HOMER1: variants seen among roughly 807,000 people sequenced by gnomAD.
HOMER1 encodes homer protein homolog 1.
In HOMER1, 3 loss-of-function variants were observed where a neutral mutation model predicts 48.9. The observed-to-expected ratio is 0.06, with a 90% CI of 0.03 to 0.16. HOMER1 has a LOEUF of 0.16. HOMER1 is among the 10% of genes least tolerant of loss of function. The pLI, the probability that HOMER1 is intolerant of heterozygous loss-of-function variation, is 1.00. For synonymous variants in HOMER1, 134 were observed against 146.4 expected (o/e 0.92, Z 0.61); for missense variants, 247 against 411.4 (o/e 0.60, Z 3.46).
At chr5:79,390,873 A>G (rs1242632103) in intron 8 of HOMER1, among the ~76,000 whole-genome samples, 1 of 152,184 alleles carries the variant, frequency 6.6e-6, no homozygotes, top group Non-Finnish European at 1.5e-5. Flanking sequence ...TCAAAATTAC[A>G]GAATTTCCAG....
chr5:79,495,912 A>C (rs1752405917), intron 1 of HOMER1, among the ~76,000 whole-genome samples: 1 of 152,216 alleles, frequency 6.6e-6, no homozygotes, highest in Non-Finnish European at 1.5e-5. Flanking sequence ...ATGGCAAATT[A>C]ATTGTACTCA....
intron 5 of HOMER1, among the ~76,000 whole-genome samples, chr5:79,420,946 T>C (rs1750080837): frequency 6.6e-6 from 1 of 152,202 alleles, no homozygotes; most frequent in Non-Finnish European, 1.5e-5. Flanking sequence ...TGTGTGCTCA[T>C]GGTGATTTTA....
chr5:79,470,481 A>C (rs1301298318), intron 1 of HOMER1, among the ~76,000 whole-genome samples: 1 of 152,206 alleles, frequency 6.6e-6, no homozygotes, highest in Non-Finnish European at 1.5e-5. Flanking sequence ...AAGCAGATAC[A>C]CAACACCCAT....
At chr5:79,493,768 A>G (rs993559496) in intron 1 of HOMER1, among the ~76,000 whole-genome samples, 5 of 152,192 alleles carry the variant, frequency 3.3e-5, no homozygotes, top group African/African-American at 9.6e-5. Flanking sequence ...CTCCTTTGCC[A>G]GATCCTAAAA....
rs562778550 is a variant in HOMER1 at position 79,474,173 on chromosome 5, G to A, written c.6-17155C>T. ...TCCAGTCAGCCTCCCAAGTAGCTGG[G>A]ACTAAAGGTGTGCACCATCATGCCC... On this transcript the variant is annotated intron_variant, in intron 1 of 8. Transcript: ENST00000334082. Among the ~76,000 whole-genome samples, 4 of 150,930 alleles carry A rather than the reference G, an allele frequency of 2.7e-5. No homozygotes were observed. In the South Asian group the frequency reaches 8.4e-4, roughly 32 times the overall value.
At chr5:79,455,555 A>C (rs1009180889) in intron 2 of HOMER1, among the ~76,000 whole-genome samples, 1 of 152,244 alleles carries the variant, frequency 6.6e-6, no homozygotes, top group Non-Finnish European at 1.5e-5. Flanking sequence ...CTGTGAGTCA[A>C]GTAAACCTCT....
At chr5:79,500,961 C>G (rs1294604396) in intron 1 of HOMER1, among the ~76,000 whole-genome samples, 1 of 63,790 alleles carries the variant, frequency 1.6e-5, no homozygotes, top group Non-Finnish European at 2.8e-5. Context: ...GTGAGACAGA[C>G]AGACACACAC....
At chr5:79,393,775 C>T (rs1749310739) in intron 8 of HOMER1, among the ~76,000 whole-genome samples, 1 of 152,068 alleles carries the variant, frequency 6.6e-6, no homozygotes, top group African/African-American at 2.4e-5. Flanking sequence ...ACATAAACTG[C>T]CATTACTATA....
intron 5 of HOMER1, among the ~76,000 whole-genome samples, chr5:79,418,685 C>T (rs1191422286): frequency 9.2e-5 from 14 of 152,178 alleles, no homozygotes; most frequent in Admixed American, 9.2e-4. Context: ...TTAACTAACA[C>T]AGGCTATTAA....
At chr5:79,510,939 C>T (rs1247524706) in intron 1 of HOMER1, 10 of 545,402 alleles carry the variant, frequency 1.8e-5, no homozygotes, top group Middle Eastern at 1.1e-3. Flanking sequence ...TGGTGCGACC[C>T]CCCGCCAGGC....
At chr5:79,428,693 C>T (rs768589146) in intron 5 of HOMER1, among the ~76,000 whole-genome samples, 1 of 151,910 alleles carries the variant, frequency 6.6e-6, no homozygotes, top group Non-Finnish European at 1.5e-5. Context: ...ATAATAGCAC[C>T]AAAAAGAATA....
chr5:79,462,249 A>G (rs1040816374), intron 1 of HOMER1, among the ~76,000 whole-genome samples: 8 of 152,170 alleles, frequency 5.3e-5, no homozygotes, highest in African/African-American at 1.9e-4. Flanking sequence ...CACTTTAATC[A>G]TAGAGCACTA....
At chr5:79,498,074 G>C (rs1053802427) in intron 1 of HOMER1, among the ~76,000 whole-genome samples, 1 of 152,186 alleles carries the variant, frequency 6.6e-6, no homozygotes, top group Non-Finnish European at 1.5e-5. Context: ...ACTAGACTCT[G>C]ATGCTCTGGT....
At position 79,451,037 on chromosome 5, in the gene HOMER1, T is replaced by C; in HGVS notation, c.247A>G (p.Asn83Asp). Residue 83 changes from asparagine (N) to aspartate (D), a missense_variant, in exon 3 of 9, where the codon AAC becomes GAC. Asn to Asp is a conservative substitution (Grantham distance 23). Transcript: ENST00000334082. ...KFGQWADSRA[N>D]TVYGLGFSSE... ...GAGAATCCCAATCCATAAACGGTGT[T>C]TGCCCGGCTATCAGCCCACTGGCCA... is the stretch of plus-strand genomic sequence containing the variant. 6.2e-7 allele frequency: 1 copy of C among 1,614,020 alleles called. No individual in the cohort carries two copies. Among genetic ancestry groups the C allele is most frequent in the Non-Finnish European group, 8.5e-7 (1 of 1,179,904 alleles).
intron 1 of HOMER1, among the ~76,000 whole-genome samples, chr5:79,459,932 A>G (rs1173811793): frequency 7.2e-5 from 11 of 152,192 alleles, no homozygotes; most frequent in African/African-American, 2.7e-4. Flanking sequence ...AAAATAGAGA[A>G]TGAAAAAAGA....
chr5:79,494,138 A>T (rs1308370483), intron 1 of HOMER1, among the ~76,000 whole-genome samples: 1 of 152,068 alleles, frequency 6.6e-6, no homozygotes, highest in African/African-American at 2.4e-5. Context: ...CCCTTAAATG[A>T]CTATTCCCAG....
intron 5 of HOMER1, among the ~76,000 whole-genome samples, chr5:79,426,535 T>C (rs1750261422): frequency 6.6e-6 from 1 of 151,938 alleles, no homozygotes; most frequent in African/African-American, 2.4e-5. Context: ...TTAAATAAAA[T>C]AAGCCATGCG....
At chr5:79,389,953 A>G (rs993012704) in intron 8 of HOMER1, among the ~76,000 whole-genome samples, 12 of 152,208 alleles carry the variant, frequency 7.9e-5, no homozygotes, top group Admixed American at 4.6e-4. Context: ...ATTATTATTA[A>G]GTGTGTTAAT....
chr5:79,444,407 T>C (rs1224314913), intron 4 of HOMER1, among the ~76,000 whole-genome samples: 1 of 152,208 alleles, frequency 6.6e-6, no homozygotes, highest in East Asian at 1.9e-4. Flanking sequence ...GGCTTCTGTA[T>C]ATTAAATTGA....
Sources: allele counts gnomAD v4.1 joint callset (sites outside exome capture counted in the v4.1 genomes callset), GRCh38; gene constraint gnomAD v4.1.1; transcripts MANE v1.5; gene names NCBI Gene and HGNC (gene_info 2026-07-23, HGNC 2026-07-21).